The following TNRC6A variants were observed in gnomAD, a reference collection of about 807,000 sequenced individuals.
The protein encoded by TNRC6A is trinucleotide repeat containing adaptor 6A.
Under a neutral mutation model 221.2 loss-of-function variants are expected in TNRC6A, and 44 were observed. The ratio of observed to expected loss-of-function variants is 0.20; its 90% confidence interval spans 0.16 to 0.26. TNRC6A has a LOEUF of 0.26. Ranked by LOEUF, TNRC6A falls within the 10% of genes least tolerant of loss-of-function variation. TNRC6A has a pLI of 1.00. For synonymous variants in TNRC6A, 847 were observed against 838.5 expected (o/e 1.01, Z -0.18); for missense variants, 2,199 against 2,404.4 (o/e 0.91, Z 1.79).
chr16:24,764,293 CT>C (rs1344752475), intron 4 of TNRC6A, among the ~76,000 whole-genome samples: 1 of 151,172 alleles, frequency 6.6e-6, no homozygotes, highest in African/African-American at 2.4e-5. Context: ...AATAATATTC[CT>C]TTGTATATAT....
Position 24,790,584 on chromosome 16 carries a change from G to A in TNRC6A, c.1942G>A (p.Asp648Asn). Residue 648 changes from aspartate to asparagine, a missense_variant, in exon 6 of 25, where the codon GAT becomes AAT. Physicochemically the swap from Asp to Asn is conservative, Grantham distance 23 (BLOSUM62 1). Coordinates refer to ENST00000395799, the MANE Select transcript of TNRC6A (RefSeq NM_014494.4). ...TGGATGGAAATCTACTGAGGAAGAG[G>A]ATCAGGGTTCTGCCACATCTCAGAC... ...TNGWKSTEEE[D>N]QGSATSQTNE... is the part of the protein sequence containing the mutation. 1 of 1,614,198 alleles carries A rather than the reference G, an allele frequency of 6.2e-7. No individual in the cohort carries two copies. Among genetic ancestry groups the A allele is most frequent in the Non-Finnish European group, 8.5e-7 (1 of 1,180,042 alleles).
At position 24,790,899 on chromosome 16, in the gene TNRC6A, T is replaced by G. The variant is rs1348092987; in HGVS notation, c.2257T>G (p.Trp753Gly). ...AAAGACTGACAATGGGACAGAGGCC[T>G]GGGGAAGCTCTGCAACACAGACTTT... ...ERKTDNGTEA[W>G]GSSATQTFNS... is the part of the protein sequence containing the mutation. Residue 753 changes from tryptophan to glycine, a missense_variant, in exon 6 of 25, where the codon TGG becomes GGG. Trp to Gly is a radical substitution (Grantham distance 184). Around this residue, in one of 8 missense-constraint regions of TNRC6A, gnomAD observed 1,405 missense variants for 1,400.2 expected, o/e 1.00. Transcript: ENST00000395799. The G allele has an allele frequency of 6.2e-7, 1 of 1,614,008 alleles. No homozygotes were observed. The highest frequency in any genetic ancestry group is 8.5e-7 in the Non-Finnish European group (1 of 1,180,028).
intron 2 of TNRC6A, among the ~76,000 whole-genome samples, chr16:24,721,175 C>A (rs1348643708): frequency 1.3e-5 from 2 of 152,198 alleles, no homozygotes; most frequent in African/African-American, 2.4e-5. Context: ...CCGGGTACAA[C>A]CATTTTAGAC....
intron 5 of TNRC6A, among the ~76,000 whole-genome samples, chr16:24,788,883 C>G (rs747984364): frequency 6.6e-6 from 1 of 152,146 alleles, no homozygotes; most frequent in Non-Finnish European, 1.5e-5. Flanking sequence ...CTCCTGACCT[C>G]GTGATCCACC....
At chr16:24,695,547 G>T (rs1437824572) in intron 2 of TNRC6A, among the ~76,000 whole-genome samples, 1 of 151,940 alleles carries the variant, frequency 6.6e-6, no homozygotes, top group African/African-American at 2.4e-5. Context: ...TTACAGGCGC[G>T]CACCACCACG....
rs1410802571 is a variant in TNRC6A, at chr16:24,794,620, G to T, written c.3429G>T (p.Glu1143Asp). 5 of 1,613,968 alleles carry T rather than the reference G, an allele frequency of 3.1e-6. No individual in the cohort carries two copies. Among genetic ancestry groups the T allele is most frequent in the Non-Finnish European group, 3.4e-6 (4 of 1,179,956 alleles). Residue 1143 changes from glutamate (E) to aspartate (D), a missense_variant, in exon 8 of 25, where the codon GAG (glutamate) becomes GAT (aspartate). Glu to Asp is a conservative substitution (Grantham distance 45, BLOSUM62 2). This residue lies in a region of TNRC6A where 1,405 missense variants were observed against 1,400.2 expected (regional missense o/e 1.00). Coordinates refer to ENST00000395799, the MANE Select transcript of TNRC6A (RefSeq NM_014494.4). ...GAAATCGCCCCACTGGCTGGGAAGA[G>T]GAAGAGGATGTGGAGATTGGAATGT... ...LPGNRPTGWEEEEDVEIGMWN... is the reference protein window; with the variant it reads ...LPGNRPTGWEDEEDVEIGMWN...
At chr16:24,645,834 C>CAAAAAAA (rs36106864) in intron 2 of TNRC6A, among the ~76,000 whole-genome samples, 323 of 26,630 alleles carry the variant, frequency 0.012, 67 homozygotes, top group African/African-American at 0.028. Context: ...CCTGTATCTA[C>CAAAAAAA]AAAAAAAAAA....
intron 1 of TNRC6A, among the ~76,000 whole-genome samples, chr16:24,621,267 T>G (rs374638639): frequency 1.1e-4 from 16 of 151,210 alleles, no homozygotes; most frequent in East Asian, 7.7e-4. Flanking sequence ...GTCTCAATAA[T>G]GGTTCAAGGG....
chr16:24,738,808 G>A (rs2056828693), intron 2 of TNRC6A, among the ~76,000 whole-genome samples: 1 of 152,170 alleles, frequency 6.6e-6, no homozygotes, highest in Non-Finnish European at 1.5e-5. Flanking sequence ...TATACCTAGG[G>A]GTGGAATTGC....
At chr16:24,699,883 A>T (rs905488082) in intron 2 of TNRC6A, among the ~76,000 whole-genome samples, 6 of 152,158 alleles carry the variant, frequency 3.9e-5, no homozygotes, top group African/African-American at 1.4e-4. Context: ...AGATATGGAC[A>T]CCGAAGTTCT....
At chr16:24,778,242 T>C in intron 5 of TNRC6A, 1 of 979,326 alleles carries the variant, frequency 1.0e-6, no homozygotes, top group African/African-American at 1.7e-5. Context: ...CTGAGCAGTC[T>C]TTCCTAACTG....
intron 2 of TNRC6A, among the ~76,000 whole-genome samples, chr16:24,748,960 C>A (rs2151386115): frequency 6.6e-6 from 1 of 152,214 alleles, no homozygotes; most frequent in South Asian, 2.1e-4. Context: ...CTGCAAGCTC[C>A]ACCTCCCAGT....
intron 2 of TNRC6A, among the ~76,000 whole-genome samples, chr16:24,672,785 A>AGAG (rs2055333807): frequency 1.3e-5 from 2 of 151,228 alleles, no homozygotes; most frequent in Non-Finnish European, 2.9e-5. Context: ...TATTTAGAGA[A>AGAG]GTGTCATGAT....
At position 24,821,231 on chromosome 16, in the gene TNRC6A, C is replaced by T. The variant is rs1169863934; in HGVS notation, c.5303-846C>T. 2.0e-5 allele frequency among the ~76,000 whole-genome samples: 3 copies of T among 152,244 alleles called. No individual in the cohort carries two copies. In the East Asian group the frequency reaches 5.8e-4, roughly 29 times the overall value. On this transcript the variant is annotated intron_variant, in intron 22 of 24. Coordinates refer to ENST00000395799, the MANE Select transcript of TNRC6A (RefSeq NM_014494.4). ...TGGTGTGAGTGGTTTTTGGAGGCCGCAGACATCTGTCTGGATGCCAGCTAA... is the reference window on the plus strand; with the variant it reads ...TGGTGTGAGTGGTTTTTGGAGGCCGTAGACATCTGTCTGGATGCCAGCTAA...
intron 2 of TNRC6A, among the ~76,000 whole-genome samples, chr16:24,654,567 C>A (rs1033610601): frequency 6.6e-6 from 1 of 151,924 alleles, no homozygotes; most frequent in Non-Finnish European, 1.5e-5. Context: ...ATTCGCCAAG[C>A]ATGGTGCTAA....
In TNRC6A at chr16:24,647,064, G is replaced by A. The variant is rs139023175; in HGVS notation, n.402+6055G>A. Among the ~76,000 whole-genome samples, 679 of 151,950 alleles carry A rather than the reference G, an allele frequency of 4.5e-3. 4 individuals are homozygous for A. Among genetic ancestry groups the A allele is most frequent in the African/African-American group, 0.016 (645 of 41,446 alleles). The stretch of plus-strand genomic sequence containing the variant: ...CACCTCAGCCTCCTCCCCAGTAGCT[G>A]GGACTACAGGGGTGCACCACCACAC... On this transcript the variant is annotated intron_variant and non_coding_transcript_variant, in intron 2 of 2. Coordinates refer to the TNRC6A transcript ENST00000566108.
intron 17 of TNRC6A, among the ~76,000 whole-genome samples, chr16:24,807,797 T>TC (rs1213300932): frequency 2.0e-5 from 3 of 152,310 alleles, no homozygotes; most frequent in East Asian, 3.9e-4. Context: ...TTGCTTTTTT[T>TC]CTCTCTCTTT....
intron 2 of TNRC6A, among the ~76,000 whole-genome samples, chr16:24,693,168 C>A (rs1021817533): frequency 6.6e-5 from 10 of 152,020 alleles, no homozygotes; most frequent in Non-Finnish European, 1.2e-4. Context: ...TGTTCTCTCA[C>A]GAGAAGAGGG....
intron 2 of TNRC6A, among the ~76,000 whole-genome samples, chr16:24,703,026 C>A (rs2056019885): frequency 6.9e-6 from 1 of 145,772 alleles, no homozygotes; most frequent in South Asian, 2.1e-4. Context: ...CAGTGCGAGA[C>A]TCTGTGTCAA....
Sources: allele counts gnomAD v4.1 joint callset (sites outside exome capture counted in the v4.1 genomes callset), GRCh38; gene constraint gnomAD v4.1.1; regional missense constraint gnomAD v4.1.1; transcripts MANE v1.5; gene names NCBI Gene and HGNC (gene_info 2026-07-23, HGNC 2026-07-21).